Variants in SMG5 observed in about 807,000 individuals in gnomAD.
SMG5 encodes the protein nonsense-mediated mRNA decay factor SMG5.
Under a neutral mutation model 122.9 loss-of-function variants are expected in SMG5, and 53 were observed. The observed-to-expected ratio is 0.43, with a 90% CI of 0.35 to 0.54. SMG5 has a LOEUF of 0.54. Among genes scored for constraint, SMG5 ranks in the 20% least tolerant of loss-of-function variants. The probability of loss-of-function intolerance (pLI) is 0.01; values close to 1 mark genes in which losing one functional copy is unlikely to be tolerated. For synonymous variants in SMG5, 477 were observed against 490.2 expected (o/e 0.97, Z 0.35); for missense variants, 1,153 against 1,285.6 (o/e 0.90, Z 1.58).
chr1:156,279,917 T>C (rs1662855788), intron 1 of SMG5, among the ~76,000 whole-genome samples: 1 of 152,218 alleles, frequency 6.6e-6, no homozygotes, highest in Non-Finnish European at 1.5e-5. Flanking sequence ...TTACCAGCTA[T>C]GTGGTCCTGG....
intron 10 of SMG5, 97 bp downstream of exon 10, chr1:156,267,373 C>T: frequency 1.6e-6 from 2 of 1,264,838 alleles, no homozygotes; most frequent in Non-Finnish European, 2.2e-6. Context: ...GAAGAGGCTG[C>T]TTGTGGAAGG....
intron 19 of SMG5, among the ~76,000 whole-genome samples, chr1:156,251,811 G>C (rs371215704): frequency 6.6e-6 from 1 of 152,228 alleles, no homozygotes; most frequent in East Asian, 1.9e-4. Flanking sequence ...AGATGCAGAG[G>C]AGGGGGTGGG....
In SMG5 at chr1:156,265,846, T is replaced by C. The variant is rs758826796; in HGVS notation, c.1790A>G (p.Asn597Ser). 2.9e-5 allele frequency: 47 copies of C among 1,613,682 alleles called. No individual in the cohort carries two copies. The highest frequency in any genetic ancestry group is 3.9e-5 in the Non-Finnish European group (46 of 1,179,942). ...CCTGTGGCTGGCCGAGGTATGAGGG[T>C]TGGTGGTGGGCTGGAGGAGCAGGTT... ...FSNLLLQPTT[N>S]PHTSASHRPC... Residue 597 changes from asparagine (N) to serine (S), a missense_variant, in exon 12 of 22, where the codon AAC becomes AGC. Coordinates refer to ENST00000361813, the MANE Select transcript of SMG5 (RefSeq NM_015327.3).
At position 156,252,787 on chromosome 1, in the gene SMG5, C is replaced by T. The variant is rs114718342; in HGVS notation, c.2662+132G>A. 1,126 of 963,990 alleles carry T rather than the reference C, an allele frequency of 1.2e-3. 11 individuals carry two copies. The African/African-American group carries it at 0.016, about 13-fold the overall frequency. 59.7% of individuals were successfully genotyped at this position (963,990 alleles called of 1,614,324 possible). A position where few individuals can be genotyped will look rare whatever the true frequency, so the allele number is the denominator to read the frequency against. The stretch of plus-strand genomic sequence containing the variant: ...TATGTCCATTTCACAGATGAAGTGA[C>T]GGGTTCACAAAGGTAGTAAGACTTG... On this transcript the variant is annotated intron_variant, in intron 18 of 21. Coordinates refer to ENST00000361813, the MANE Select transcript of SMG5 (RefSeq NM_015327.3).
upstream of SMG5, chr1:156,286,491 G>A (rs148802972): frequency 8.7e-4 from 1,402 of 1,612,584 alleles, 13 homozygotes; most frequent in African/African-American, 0.017. Flanking sequence ...GGGGCAGAGG[G>A]TGGGGCATGG....
In SMG5 at chr1:156,282,815, C is replaced by T. The variant is rs1558249424; in HGVS notation, c.-135G>A. 1.1e-6 allele frequency: 1 copy of T among 913,950 alleles called. No homozygotes were observed. The highest frequency in any genetic ancestry group is 2.8e-5 in the East Asian group (1 of 35,186). 56.6% of individuals were successfully genotyped at this position (913,950 alleles called of 1,614,324 possible). A position where few individuals can be genotyped will look rare whatever the true frequency, so the allele number is the denominator to read the frequency against. ...CTCGGCCGCCATCGCTGTGAGGCGG[C>T]TGCCCGCGACAGCTCCTCCTCCGCC... On this transcript the variant is annotated 5_prime_UTR_variant, in exon 1 of 22. Transcript: ENST00000361813.
At chr1:156,285,402 T>TAG, upstream of SMG5, 2 of 1,602,424 alleles carry the variant, frequency 1.2e-6, no homozygotes, top group Non-Finnish European at 1.7e-6. Flanking sequence ...CCCACAGCCA[T>TAG]AGAGGGGGCT....
Position 156,266,651 on chromosome 1 carries a change from G to C in SMG5, c.1145C>G (p.Ala382Gly), listed in dbSNP as rs754084695. 2.5e-6 allele frequency: 4 copies of C among 1,614,178 alleles called. No individual in the cohort carries two copies. The highest frequency in any genetic ancestry group is 3.4e-6 in the Non-Finnish European group (4 of 1,180,026). Reference protein sequence around the residue: ...AGSKQYSAAIAFTLALFSHLV... With the variant: ...AGSKQYSAAIGFTLALFSHLV... ...GTGGGAAAAGAGGGCCAGGGTGAAG[G>C]CAATGGCTGCACTGTACTGCTTGGA... is the stretch of plus-strand genomic sequence containing the variant. Residue 382 changes from alanine (A) to glycine (G), a missense_variant, in exon 11 of 22, where the codon GCC (alanine) becomes GGC (glycine). Physicochemically the swap from Ala to Gly is moderately conservative, Grantham distance 60 (BLOSUM62 0). This residue lies in a region of SMG5 where 631 missense variants were observed against 650.6 expected (regional missense o/e 0.97). Transcript: ENST00000361813.
Position 156,278,929 on chromosome 1 carries a change from A to G in SMG5, c.173+7T>C. 6.2e-7 allele frequency: 1 copy of G among 1,611,302 alleles called. No individual in the cohort carries two copies. The highest frequency in any genetic ancestry group is 8.5e-7 in the Non-Finnish European group (1 of 1,177,408). ...TAAGGATCTGTGGTTTAGAGTCTCT[A>G]GCTTACTTGTTCCTCAGGCTAATGT... On this transcript the variant is annotated splice_region_variant and intron_variant, in intron 2 of 21. Transcript: ENST00000361813.
At chr1:156,286,671 T>C (rs1663172427), upstream of SMG5, among the ~76,000 whole-genome samples, 1 of 152,170 alleles carries the variant, frequency 6.6e-6, no homozygotes, top group South Asian at 2.1e-4. Flanking sequence ...TTCAGAGACA[T>C]ATATAACCAT....
chr1:156,263,521 G>A lies in SMG5; in HGVS notation c.1905C>T (p.Ser635=), dbSNP rs775332288. Residue 635 remains serine, a synonymous_variant, in exon 13 of 22, where the codon TCC becomes TCT. Coordinates refer to ENST00000361813, the MANE Select transcript of SMG5 (RefSeq NM_015327.3). The part of the protein sequence containing the change: ...ESEGSESSGR[S]CRNERSIQEK... ...CCTGGATGCTGCGCTCATTCCGACA[G>A]GAGCGTCCACTGGACTCACTCCCCT... is the stretch of plus-strand genomic sequence containing the variant. 2 of 1,614,148 alleles carry A rather than the reference G, an allele frequency of 1.2e-6. No homozygotes were observed. Among genetic ancestry groups the A allele is most frequent in the East Asian group, 2.2e-5 (1 of 44,902 alleles).
Position 156,258,995 on chromosome 1 carries a change from C to A in SMG5, c.2442+10G>T. 6.2e-7 allele frequency: 1 copy of A among 1,613,502 alleles called. No homozygotes were observed. Among genetic ancestry groups the A allele is most frequent in the Non-Finnish European group, 8.5e-7 (1 of 1,179,766 alleles). ...AGCAGAGCTGACGGGGAGGGGAAGGCCTGACTCACCATTCGGAACTGTGCC... is the reference window on the plus strand; with the variant it reads ...AGCAGAGCTGACGGGGAGGGGAAGGACTGACTCACCATTCGGAACTGTGCC... On this transcript the variant is annotated intron_variant, in intron 16 of 21. Coordinates refer to ENST00000361813, the MANE Select transcript of SMG5 (RefSeq NM_015327.3).
chr1:156,278,869 G>A (rs1662805104), intron 2 of SMG5, 67 bp downstream of exon 2: 1 of 1,335,350 alleles, frequency 7.5e-7, no homozygotes, highest in Non-Finnish European at 1.1e-6. Context: ...TTATATATCT[G>A]AGAAGGTTTC....
chr1:156,251,085 G>C (rs1661326200), intron 20 of SMG5, 89 bp from the exon 21 acceptor site: 1 of 1,538,148 alleles, frequency 6.5e-7, no homozygotes, highest in Non-Finnish European at 8.8e-7. Flanking sequence ...AGGGGCAGCT[G>C]GGGGCTGGGA....
the SMG5 span, among the ~76,000 whole-genome samples, chr1:156,288,558 G>A: frequency 1.3e-5 from 2 of 151,912 alleles, no homozygotes; most frequent in Non-Finnish European, 1.5e-5. Context: ...GGCTGGTCTC[G>A]AACTTCTGAC....
chr1:156,267,442 G>A (rs866382651), intron 10 of SMG5, 28 bp downstream of exon 10: 3 of 1,607,542 alleles, frequency 1.9e-6, no homozygotes, highest in South Asian at 2.2e-5. Flanking sequence ...GCCAGTGGAA[G>A]AGAAAAGAGG....
chr1:156,286,383 A>G (rs1340447124), upstream of SMG5: 3 of 1,613,870 alleles, frequency 1.9e-6, no homozygotes, highest in East Asian at 2.2e-5. Context: ...TTTATTCTCT[A>G]CTTCTTCAAC....
intron 13 of SMG5, among the ~76,000 whole-genome samples, chr1:156,262,365 A>C (rs937519679): frequency 3.3e-5 from 5 of 150,960 alleles, no homozygotes; most frequent in Non-Finnish European, 7.4e-5. Context: ...AGTCCCAGCT[A>C]CTCGGGAGGC....
chr1:156,273,722 T>C (rs532391093), intron 5 of SMG5, among the ~76,000 whole-genome samples: 218 of 145,070 alleles, frequency 1.5e-3, no homozygotes, highest in African/African-American at 4.8e-3. Flanking sequence ...TGTTTTCTTT[T>C]TTTTTTTTTT....
Sources: gnomAD v4.1 joint callset for allele counts (sites outside exome capture counted in the v4.1 genomes callset) on GRCh38, gnomAD v4.1.1 for gene constraint, gnomAD v4.1.1 regional missense constraint, MANE v1.5 for transcripts, NCBI Gene and HGNC (gene_info 2026-07-23, HGNC 2026-07-21) for gene names.